ITPR2: variants seen among roughly 807,000 people sequenced by gnomAD.
ITPR2 encodes the protein inositol 1,4,5-trisphosphate-gated calcium channel ITPR2.
Under a neutral mutation model 317.1 loss-of-function variants are expected in ITPR2, and 207 were observed. The ratio of observed to expected loss-of-function variants is 0.65; its 90% CI spans 0.58 to 0.73. The LOEUF (loss-of-function observed/expected upper bound fraction) is 0.73. Ranked by LOEUF, ITPR2 falls within the 30% of genes least tolerant of loss-of-function variation. The pLI is 0.00. For synonymous variants in ITPR2, 1,156 were observed against 1,149.1 expected, an observed-to-expected ratio of 1.01 and a Z score of -0.12; for missense variants, 2,613 against 3,284.0, an observed-to-expected ratio of 0.80 and a Z score of 4.99.
At chr12:26,702,726 T>C (rs1290057284) in intron 9 of ITPR2, among the ~76,000 whole-genome samples, 2 of 152,140 alleles carry the variant, frequency 1.3e-5, no homozygotes, top group African/African-American at 4.8e-5. Flanking sequence ...AGTCTAGCAC[T>C]GAGTTATTTC....
At chr12:26,392,267 G>C (rs1939874958) in intron 54 of ITPR2, among the ~76,000 whole-genome samples, 1 of 152,128 alleles carries the variant, frequency 6.6e-6, no homozygotes, top group Non-Finnish European at 1.5e-5. Context: ...TGAAGTCCTT[G>C]TTGACCAGGG....
chr12:26,721,105 G>T (rs1350108079), intron 5 of ITPR2, among the ~76,000 whole-genome samples: 3 of 151,960 alleles, frequency 2.0e-5, no homozygotes, highest in Non-Finnish European at 4.4e-5. Flanking sequence ...ATCAGTCCCT[G>T]AACAATTGAG....
At chr12:26,651,222 T>C (rs1334628640) in intron 21 of ITPR2, among the ~76,000 whole-genome samples, 1 of 152,068 alleles carries the variant, frequency 6.6e-6, no homozygotes, top group Non-Finnish European at 1.5e-5. Context: ...CAGTTATTCA[T>C]ATGGTGGCTC....
At chr12:26,468,458 T>G (rs1035307638) in intron 45 of ITPR2, among the ~76,000 whole-genome samples, 1 of 152,046 alleles carries the variant, frequency 6.6e-6, no homozygotes, top group Non-Finnish European at 1.5e-5. Flanking sequence ...ACATAGTGGA[T>G]GTATTATCTA....
chr12:26,539,093 G>C (rs1285467483), intron 37 of ITPR2, among the ~76,000 whole-genome samples: 1 of 152,126 alleles, frequency 6.6e-6, no homozygotes, highest in Non-Finnish European at 1.5e-5. Flanking sequence ...CATATACCAG[G>C]TTGCAAATAT....
At chr12:26,758,369 T>C (rs144744010) in intron 2 of ITPR2, among the ~76,000 whole-genome samples, 213 of 152,296 alleles carry the variant, frequency 1.4e-3, no homozygotes, top group African/African-American at 4.6e-3. Flanking sequence ...ATTTCCCCAT[T>C]TAGTTTATTT....
intron 2 of ITPR2, among the ~76,000 whole-genome samples, chr12:26,756,833 G>A (rs1470590681): frequency 6.6e-6 from 1 of 152,212 alleles, no homozygotes; most frequent in Non-Finnish European, 1.5e-5. Flanking sequence ...TTGAATAGGA[G>A]CTGGGTTAAA....
At chr12:26,638,595 A>G (rs1170858662) in intron 21 of ITPR2, among the ~76,000 whole-genome samples, 1 of 152,216 alleles carries the variant, frequency 6.6e-6, no homozygotes, top group East Asian at 1.9e-4. Flanking sequence ...ATGCCAAAGA[A>G]TACTGGGTAA....
intron 1 of ITPR2, among the ~76,000 whole-genome samples, chr12:26,800,482 G>A (rs1472266187): frequency 6.6e-6 from 1 of 152,172 alleles, no homozygotes; most frequent in Non-Finnish European, 1.5e-5. Context: ...TGGTCAGATA[G>A]CTTGGCATGG....
chr12:26,382,787 A>T (rs1314431672), intron 55 of ITPR2, among the ~76,000 whole-genome samples: 1 of 152,230 alleles, frequency 6.6e-6, no homozygotes, highest in Non-Finnish European at 1.5e-5. Context: ...GTTTCCTGCG[A>T]TTCTAACCCT....
intron 26 of ITPR2, among the ~76,000 whole-genome samples, chr12:26,614,793 G>C (rs1422021642): frequency 6.6e-6 from 1 of 152,198 alleles, no homozygotes; most frequent in African/African-American, 2.4e-5. Context: ...CAGGGACTCA[G>C]GGGTCCAGAA....
In ITPR2 at chr12:26,339,406, T is replaced by C. The variant is rs1163537392; in HGVS notation, c.8097A>G (p.Pro2699=). 3.7e-6 allele frequency: 6 copies of C among 1,612,796 alleles called. No individual in the cohort carries two copies. Among genetic ancestry groups the C allele is most frequent in the Non-Finnish European group, 5.1e-6 (6 of 1,179,052 alleles). ...SNTPHVNHHM[P]PH ...GCTTCCCCCCATGGTATCAGTGTGG[T>C]GGCATGTGATGATTCACATGGGGTG... The change falls in exon 57 of 57, where the codon CCA becomes CCG. Residue 2699 remains proline (P), a synonymous_variant. Transcript: ENST00000381340.
chr12:26,776,410 CTGAG>C (rs533318765), intron 2 of ITPR2, among the ~76,000 whole-genome samples: 1 of 152,144 alleles, frequency 6.6e-6, no homozygotes, highest in Non-Finnish European at 1.5e-5. Flanking sequence ...TAAGACTGCC[CTGAG>C]TGAGAGTCTT....
chr12:26,654,152 G>T (rs751467917), intron 20 of ITPR2, 26 bp from the exon 21 acceptor site: 7 of 1,517,254 alleles, frequency 4.6e-6, no homozygotes, highest in South Asian at 1.2e-5. Context: ...AAAGCGGGGA[G>T]GGGGAGGGTG....
At position 26,658,122 on chromosome 12, in the gene ITPR2, T is replaced by C; in HGVS notation, c.1895A>G (p.Asp632Gly). 1 of 1,545,716 alleles carries C rather than the reference T, an allele frequency of 6.5e-7. No homozygotes were observed. The highest frequency in any genetic ancestry group is 8.7e-7 in the Non-Finnish European group (1 of 1,148,598). ...LRRNREPRFL[D>G]YLSDLCVSNT... The stretch of plus-strand genomic sequence containing the variant: ...AGACACACACAGATCTGACAAATAA[T>C]CCAAAAACCTGGCAAAAGAAAAAAA... The change falls in exon 17 of 57, where the codon GAT (aspartate) becomes GGT (glycine). Residue 632 changes from aspartate to glycine, a missense_variant. Asp to Gly is a moderately conservative substitution (Grantham distance 94). Transcript: ENST00000381340.
intron 2 of ITPR2, among the ~76,000 whole-genome samples, chr12:26,776,255 C>T (rs904302739): frequency 5.3e-5 from 8 of 151,946 alleles, no homozygotes; most frequent in African/African-American, 1.5e-4. Context: ...ATATATAATA[C>T]CTTTGATTAT....
intron 36 of ITPR2, among the ~76,000 whole-genome samples, chr12:26,553,194 C>T (rs532872928): frequency 3.3e-5 from 5 of 152,290 alleles, no homozygotes; most frequent in East Asian, 3.9e-4. Flanking sequence ...TCACACCCCA[C>T]GGTTTGAAAA....
intron 21 of ITPR2, among the ~76,000 whole-genome samples, chr12:26,653,772 T>C (rs1947311951): frequency 6.6e-6 from 1 of 152,210 alleles, no homozygotes; most frequent in Admixed American, 6.5e-5. Flanking sequence ...CCTTATGAAT[T>C]CATCTTTCAA....
At position 26,738,179 on chromosome 12, in the gene ITPR2, A is replaced by G. The variant is rs1417835948; in HGVS notation, c.164-12414T>C. ...CCATGTTACAGATCATGAAACTGGA[A>G]ATTTTAAAGGTTAGGTTCTGCCCAG... On this transcript the variant is annotated intron_variant, in intron 2 of 56. Transcript: ENST00000381340. Among the ~76,000 whole-genome samples the G allele has an allele frequency of 3.9e-5, 6 of 152,328 alleles. No homozygotes were observed. In the East Asian group the frequency reaches 1.2e-3, roughly 29 times the overall value.
Sources: allele counts gnomAD v4.1 joint callset (sites outside exome capture counted in the v4.1 genomes callset), GRCh38; gene constraint gnomAD v4.1.1; transcripts MANE v1.5; gene names NCBI Gene and HGNC (gene_info 2026-07-23, HGNC 2026-07-21).